The following ZNF565 variants were observed in gnomAD, a reference collection of about 807,000 sequenced individuals.
The protein encoded by ZNF565 is zinc finger protein 565.
A neutral mutation model predicts 39.4 loss-of-function variants in ZNF565; 27 were observed. The observed-to-expected ratio is 0.69, with a 90% CI of 0.51 to 0.95. The LOEUF (loss-of-function observed/expected upper bound fraction) is 0.95, where lower values mean the gene tolerates loss of function less well. Ranked by LOEUF, ZNF565 falls within the 40% of genes least tolerant of loss-of-function variation. ZNF565 has a pLI of 0.00. For synonymous variants in ZNF565, 185 were observed against 216.6 expected (o/e 0.85, Z 1.28); for missense variants, 524 against 621.1 (o/e 0.84, Z 1.66).
chr19:36,183,819 G>A (rs1235605730), intron 4 of ZNF565, 86 bp from the exon 5 acceptor site: 50 of 1,224,958 alleles, frequency 4.1e-5, no homozygotes, highest in Non-Finnish European at 5.2e-5. Flanking sequence ...AGGCACGGTG[G>A]CTCACATCTG....
intron 4 of ZNF565, among the ~76,000 whole-genome samples, chr19:36,189,447 TG>T (rs1009324571): frequency 3.3e-5 from 5 of 151,564 alleles, no homozygotes; most frequent in Admixed American, 6.6e-5. Flanking sequence ...CCCAAGTAGC[TG>T]GGATTACAGG....
chr19:36,196,846 T>TC (rs1254752195), intron 2 of ZNF565, among the ~76,000 whole-genome samples: 1 of 151,732 alleles, frequency 6.6e-6, no homozygotes, highest in African/African-American at 2.4e-5. Context: ...TCACCTGAGG[T>TC]CAGGAGTTCG....
chr19:36,199,731 G>A (rs1021266064), intron 2 of ZNF565, among the ~76,000 whole-genome samples: 2 of 152,052 alleles, frequency 1.3e-5, no homozygotes, highest in African/African-American at 4.8e-5. Context: ...GTGCAGGCTG[G>A]TCTTGTACTC....
At chr19:36,212,437 C>T (rs1412815747) in intron 1 of ZNF565, among the ~76,000 whole-genome samples, 1 of 151,648 alleles carries the variant, frequency 6.6e-6, no homozygotes, top group Non-Finnish European at 1.5e-5. Context: ...CATGGTGAAA[C>T]CCCCCTCCCC....
At chr19:36,211,960 T>C (rs953269925) in intron 1 of ZNF565, among the ~76,000 whole-genome samples, 5 of 152,142 alleles carry the variant, frequency 3.3e-5, no homozygotes, top group South Asian at 2.1e-4. Context: ...GATATTCACA[T>C]AGGCTTAAAG....
intron 1 of ZNF565, among the ~76,000 whole-genome samples, chr19:36,244,743 C>T (rs2029880560): frequency 6.6e-6 from 1 of 150,804 alleles, no homozygotes; most frequent in Admixed American, 6.6e-5. Context: ...CCCAGCTACT[C>T]GAGAGGCTGA....
chr19:36,216,273 A>G (rs1469309759), upstream of ZNF565, among the ~76,000 whole-genome samples: 1 of 152,216 alleles, frequency 6.6e-6, no homozygotes, highest in Non-Finnish European at 1.5e-5. Context: ...ACTAAGGGGC[A>G]TAACAAATGT....
intron 4 of ZNF565, among the ~76,000 whole-genome samples, chr19:36,185,602 T>C (rs796758144): frequency 6.6e-6 from 1 of 152,052 alleles, no homozygotes; most frequent in South Asian, 2.1e-4. Context: ...AAAATAAATC[T>C]AGGCCTTTTC....
chr19:36,231,791 T>G (rs1977381942), intron 1 of ZNF565, among the ~76,000 whole-genome samples: 1 of 151,880 alleles, frequency 6.6e-6, no homozygotes, highest in African/African-American at 2.4e-5. Flanking sequence ...CTCTCTTTAA[T>G]AGAGAACAAA....
At chr19:36,200,411 T>C (rs1330011112) in intron 2 of ZNF565, among the ~76,000 whole-genome samples, 1 of 152,168 alleles carries the variant, frequency 6.6e-6, no homozygotes, top group Non-Finnish European at 1.5e-5. Flanking sequence ...ATAACTCTAT[T>C]GTCAAAATCA....
Position 36,210,419 on chromosome 19 carries a change from CAAAAAA to C in ZNF565, c.-66+4197_-66+4202del, listed in dbSNP as rs35345882. ...AGCCTGGGCAAGTAAAATTCTGTCT[CAAAAAA>C]AAAAAAAAAAAAAAAAAAATCTGGA... On this transcript the variant is annotated intron_variant, in intron 1 of 4. Transcript: ENST00000304116. Among the ~76,000 whole-genome samples, 12 of 67,030 alleles carry C rather than the reference CAAAAAA, an allele frequency of 1.8e-4. 1 individual carries two copies. The South Asian group carries it at 3.3e-3, about 18-fold the overall frequency. The allele number at this position is 67,030 out of a possible 152,430, so 44.0% of individuals were successfully genotyped here. A position where few individuals can be genotyped will look rare whatever the true frequency, so the allele number is the denominator to read the frequency against.
chr19:36,215,078 GA>G (rs1350999116), upstream of ZNF565: 1 of 152,414 alleles, frequency 6.6e-6, no homozygotes, highest in African/African-American at 2.4e-5. Context: ...GCGTCGCGGA[GA>G]CTTCTGGGAG....
intron 1 of ZNF565, among the ~76,000 whole-genome samples, chr19:36,221,720 T>C (rs1976847332): frequency 6.6e-6 from 1 of 152,190 alleles, no homozygotes; most frequent in Non-Finnish European, 1.5e-5. Flanking sequence ...TTCTTTGTCT[T>C]ATGTAAACAT....
intron 1 of ZNF565, among the ~76,000 whole-genome samples, chr19:36,232,236 T>C (rs1977414336): frequency 6.6e-6 from 1 of 150,852 alleles, no homozygotes; most frequent in African/African-American, 2.4e-5. Flanking sequence ...TGACTACAAA[T>C]ATGAACATAT....
chr19:36,191,233 G>T (rs548667277), intron 4 of ZNF565, among the ~76,000 whole-genome samples: 2 of 150,614 alleles, frequency 1.3e-5, no homozygotes, highest in East Asian at 3.9e-4. Flanking sequence ...GGAAGTAAAA[G>T]ATGGTATGGT....
At chr19:36,236,930 G>A (rs1405153307) in intron 1 of ZNF565, 1 of 1,614,030 alleles carries the variant, frequency 6.2e-7, no homozygotes, top group Non-Finnish European at 8.5e-7. Flanking sequence ...ATGTGGAACA[G>A]CCTTTGGCCA....
Position 36,189,073 on chromosome 19 carries a change from G to A in ZNF565, c.232+5160C>T, listed in dbSNP as rs373992966. ...TGGGTACAGAGTTTCTGTTTGGGATGATGCATAAGCTCTGGAAGCAGAGTG... is the reference window on the plus strand; with the variant it reads ...TGGGTACAGAGTTTCTGTTTGGGATAATGCATAAGCTCTGGAAGCAGAGTG... On this transcript the variant is annotated intron_variant, in intron 4 of 4. Transcript: ENST00000304116. Among the ~76,000 whole-genome samples, 18 of 152,130 alleles carry A rather than the reference G, an allele frequency of 1.2e-4. No individual in the cohort carries two copies. The South Asian group carries it at 3.7e-3, about 32-fold the overall frequency.
intron 1 of ZNF565, among the ~76,000 whole-genome samples, chr19:36,235,194 C>A (rs937360198): frequency 6.8e-6 from 1 of 146,232 alleles, no homozygotes; most frequent in Non-Finnish European, 1.5e-5. Flanking sequence ...GGATAACGAG[C>A]GAAATTCCGT....
At chr19:36,203,074 C>T (rs1240372187) in intron 1 of ZNF565, among the ~76,000 whole-genome samples, 2 of 152,094 alleles carry the variant, frequency 1.3e-5, no homozygotes, top group African/African-American at 4.8e-5. Flanking sequence ...GTGGCTCACA[C>T]CTGTAATCCC....
Sources: allele counts gnomAD v4.1 joint callset (sites outside exome capture counted in the v4.1 genomes callset), GRCh38; gene constraint gnomAD v4.1.1; transcripts MANE v1.5; gene names NCBI Gene and HGNC (gene_info 2026-07-23, HGNC 2026-07-21).